Variants in EDN3 observed in about 807,000 individuals in gnomAD.
EDN3 encodes the protein endothelin-3.
A neutral mutation model predicts 21.4 loss-of-function variants in EDN3; 9 were observed. That is an observed-to-expected ratio of 0.42 (90% CI 0.25 to 0.73). The LOEUF is 0.73. Ranked by LOEUF, EDN3 falls within the 30% of genes least tolerant of loss-of-function variation. The probability of loss-of-function intolerance (pLI) is 0.26; values close to 1 mark genes in which losing one functional copy is unlikely to be tolerated. For missense variants in EDN3, 327 were observed against 309.4 expected (o/e 1.06, Z -0.43); for synonymous variants, 133 against 126.2 (o/e 1.05, Z -0.36).
intron 2 of EDN3, among the ~76,000 whole-genome samples, chr20:59,312,835 C>T (rs995926678): frequency 6.6e-6 from 1 of 152,132 alleles, no homozygotes; most frequent in African/African-American, 2.4e-5. Context: ...ACCCAGCCAG[C>T]CCTTTTGTTT....
intron 2 of EDN3, 124 bp from the exon 3 acceptor site, chr20:59,320,893 A>G: frequency 1.0e-6 from 1 of 957,712 alleles, no homozygotes. Flanking sequence ...TGTAGTGGGG[A>G]GGGTTGTGAA....
intron 2 of EDN3, among the ~76,000 whole-genome samples, chr20:59,303,341 G>A (rs181438754): frequency 1.3e-5 from 2 of 152,180 alleles, no homozygotes; most frequent in African/African-American, 2.4e-5. Flanking sequence ...CTCAGATAGC[G>A]AGGGGAGTCA....
Position 59,300,769 on chromosome 20 carries a change from C to G in EDN3, c.-44C>G. On this transcript the variant is annotated 5_prime_UTR_variant, in exon 1 of 5. Coordinates refer to ENST00000337938, the MANE Select transcript of EDN3 (RefSeq NM_207034.3). The stretch of plus-strand genomic sequence containing the variant: ...CCCAGTGCCCTTTCGCGGCCACAAG[C>G]GGCCGTCCTCCTGGTCCGGTGCTCC... 1 of 1,591,592 alleles carries G rather than the reference C, an allele frequency of 6.3e-7. No homozygotes were observed. Among genetic ancestry groups the G allele is most frequent in the Non-Finnish European group, 8.5e-7 (1 of 1,170,344 alleles).
In EDN3 at chr20:59,322,508, T is replaced by G; in HGVS notation, c.588+91T>G. ...GTGGGTGGAGGGTGTTTTGAGGGGA[T>G]GGCATCTGGTCTGGTCCAGTGGGAA... On this transcript the variant is annotated intron_variant, in intron 4 of 4. Coordinates refer to ENST00000337938, the MANE Select transcript of EDN3 (RefSeq NM_207034.3). The surrounding 1 kb of genome is among the most constrained non-coding windows in gnomAD (Gnocchi z 4.1). 2.6e-6 allele frequency: 4 copies of G among 1,525,248 alleles called. No individual in the cohort carries two copies. Among genetic ancestry groups the G allele is most frequent in the Non-Finnish European group, 2.7e-6 (3 of 1,102,278 alleles). 94.5% of individuals were successfully genotyped at this position (1,525,248 alleles called of 1,614,324 possible).
chr20:59,322,597 G>T lies in EDN3; in HGVS notation c.588+180G>T, dbSNP rs543018751. The stretch of plus-strand genomic sequence containing the variant: ...TGCCTTTGGTGGACCGTTTCTGGGG[G>T]CAGAGCGGGCTGAAGCTGTGGACAG... On this transcript the variant is annotated intron_variant, in intron 4 of 4. Coordinates refer to ENST00000337938, the MANE Select transcript of EDN3 (RefSeq NM_207034.3). This position sits in a 1 kb window ranked among gnomAD's most constrained non-coding sequence, Gnocchi z 4.1. 210 of 846,268 alleles carry T rather than the reference G, an allele frequency of 2.5e-4. No individual in the cohort carries two copies. The highest frequency in any genetic ancestry group is 1.9e-4 in the Non-Finnish European group (96 of 511,972). The allele number at this position is 846,268 out of a possible 1,614,324, so 52.4% of individuals were successfully genotyped here.
Position 59,310,565 on chromosome 20 carries a change from T to C in EDN3, c.365+8843T>C, listed in dbSNP as rs112717752. ...CAGAGTCTTAGGAGGGCCAAGAGCT[T>C]TGGGAGACCTTGGGGACATTCACAG... On this transcript the variant is annotated intron_variant, in intron 2 of 4. Transcript: ENST00000337938. Among the ~76,000 whole-genome samples the C allele has an allele frequency of 9.9e-5, 15 of 152,180 alleles. 2 individuals are homozygous for C. The highest frequency in any genetic ancestry group is 3.4e-4 in the African/African-American group (14 of 41,512).
Position 59,322,484 on chromosome 20 carries a change from T to G in EDN3, c.588+67T>G. 7.6e-6 allele frequency: 12 copies of G among 1,578,010 alleles called. No individual in the cohort carries two copies. Among genetic ancestry groups the G allele is most frequent in the South Asian group, 1.1e-5 (1 of 90,264 alleles). On this transcript the variant is annotated intron_variant, in intron 4 of 4. Coordinates refer to ENST00000337938, the MANE Select transcript of EDN3 (RefSeq NM_207034.3). The surrounding 1 kb of genome is among the most constrained non-coding windows in gnomAD (Gnocchi z 4.1). The stretch of plus-strand genomic sequence containing the variant: ...ATGTGACGTGTCATTCCTTCGGGGG[T>G]GGGTGGAGGGTGTTTTGAGGGGATG...
chr20:59,324,507 T>C lies in EDN3; in HGVS notation c.*48T>C, dbSNP rs1363304300. The C allele has an allele frequency of 7.4e-6, 12 of 1,613,014 alleles. No individual in the cohort carries two copies. Among genetic ancestry groups the C allele is most frequent in the Non-Finnish European group, 1.0e-5 (12 of 1,179,490 alleles). ...GGTCTCGGGAGGCTTCTGTCATTGC[T>C]CACACACAGTTCAGATTTCCACCTC... is the stretch of plus-strand genomic sequence containing the variant. On this transcript the variant is annotated 3_prime_UTR_variant, in exon 5 of 5. Transcript: ENST00000337938.
chr20:59,309,951 A>G (rs1220014774), intron 2 of EDN3, among the ~76,000 whole-genome samples: 1 of 152,130 alleles, frequency 6.6e-6, no homozygotes, highest in Non-Finnish European at 1.5e-5. Context: ...TAGCAAGAAA[A>G]CTTGGTACAA....
At chr20:59,315,169 T>A (rs1990095715) in intron 2 of EDN3, among the ~76,000 whole-genome samples, 1 of 152,202 alleles carries the variant, frequency 6.6e-6, no homozygotes, top group Admixed American at 6.5e-5. Context: ...TTCTAGGGAA[T>A]GTAATAAAGT....
At chr20:59,315,868 G>T (rs1990140333) in intron 2 of EDN3, among the ~76,000 whole-genome samples, 1 of 152,120 alleles carries the variant, frequency 6.6e-6, no homozygotes. Flanking sequence ...AAGAAAAGCT[G>T]GAAATCGGGA....
intron 2 of EDN3, 79 bp from the exon 3 acceptor site, chr20:59,320,938 G>C: frequency 6.6e-7 from 1 of 1,510,632 alleles, no homozygotes; most frequent in Non-Finnish European, 9.2e-7. Context: ...CCAGGCGGTG[G>C]TTCTCGCTCC....
chr20:59,319,502 GA>G (rs1345987660), intron 2 of EDN3, among the ~76,000 whole-genome samples: 10 of 152,284 alleles, frequency 6.6e-5, no homozygotes, highest in African/African-American at 2.2e-4. Flanking sequence ...ACAAGGTCAA[GA>G]GATGGAGACC....
chr20:59,323,737 T>A (rs1323141551), intron 4 of EDN3: 3 of 401,452 alleles, frequency 7.5e-6, no homozygotes, highest in Non-Finnish European at 1.3e-5. Context: ...GGGGAACCGG[T>A]GAGTGCAAAC....
chr20:59,322,597 G>A lies in EDN3; in HGVS notation c.588+180G>A. On this transcript the variant is annotated intron_variant, in intron 4 of 4. Transcript: ENST00000337938. The surrounding 1 kb of genome is among the most constrained non-coding windows in gnomAD (Gnocchi z 4.1). ...TGCCTTTGGTGGACCGTTTCTGGGGGCAGAGCGGGCTGAAGCTGTGGACAG... is the reference window on the plus strand; with the variant it reads ...TGCCTTTGGTGGACCGTTTCTGGGGACAGAGCGGGCTGAAGCTGTGGACAG... The A allele has an allele frequency of 1.2e-6, 1 of 846,386 alleles. No homozygotes were observed. Among genetic ancestry groups the A allele is most frequent in the Non-Finnish European group, 2.0e-6 (1 of 511,964 alleles). The allele number at this position is 846,386 out of a possible 1,614,324, so 52.4% of individuals were successfully genotyped here. A position where few individuals can be genotyped will look rare whatever the true frequency, so the allele number is the denominator to read the frequency against.
chr20:59,308,070 G>T (rs1989549416), intron 2 of EDN3, among the ~76,000 whole-genome samples: 1 of 152,122 alleles, frequency 6.6e-6, no homozygotes, highest in Non-Finnish European at 1.5e-5. Flanking sequence ...GCCTTGGCTT[G>T]CATAGAAGCA....
Position 59,322,505 on chromosome 20 carries a change from G to A in EDN3, c.588+88G>A. On this transcript the variant is annotated intron_variant, in intron 4 of 4. Transcript: ENST00000337938. This position sits in a 1 kb window ranked among gnomAD's most constrained non-coding sequence, Gnocchi z 4.1. ...GGGGTGGGTGGAGGGTGTTTTGAGG[G>A]GATGGCATCTGGTCTGGTCCAGTGG... is the stretch of plus-strand genomic sequence containing the variant. The A allele has an allele frequency of 2.6e-6, 4 of 1,564,536 alleles. No homozygotes were observed. The highest frequency in any genetic ancestry group is 2.3e-5 in the East Asian group (1 of 44,290).
At chr20:59,318,396 C>T (rs571710903) in intron 2 of EDN3, among the ~76,000 whole-genome samples, 1 of 152,340 alleles carries the variant, frequency 6.6e-6, no homozygotes, top group South Asian at 2.1e-4. Flanking sequence ...CCACATTTGT[C>T]CAGATACAGG....
intron 2 of EDN3, among the ~76,000 whole-genome samples, chr20:59,319,711 A>T (rs1269013909): frequency 6.8e-6 from 1 of 147,718 alleles, no homozygotes; most frequent in African/African-American, 2.5e-5. Context: ...GGGCGACAAG[A>T]GCGAGACTCT....
Sources: allele counts gnomAD v4.1 joint callset (sites outside exome capture counted in the v4.1 genomes callset), GRCh38; gene constraint gnomAD v4.1.1; non-coding constraint Gnocchi (gnomAD v3.1); transcripts MANE v1.5; gene names NCBI Gene and HGNC (gene_info 2026-07-23, HGNC 2026-07-21).